Variants in BTBD9 observed in about 807,000 individuals in gnomAD.
BTBD9 encodes BTB domain containing 9, also known as BTB/POZ domain-containing protein 9.
In BTBD9, 49 loss-of-function variants were observed where a neutral mutation model predicts 64.3. The observed-to-expected ratio is 0.76, with a 90% CI of 0.61 to 0.97. The LOEUF (loss-of-function observed/expected upper bound fraction) is 0.97, where lower values mean the gene tolerates loss of function less well. Ranked by LOEUF, BTBD9 falls within the 50% of genes least tolerant of loss-of-function variation. The pLI is 0.00. For missense variants in BTBD9, 598 were observed against 762.1 expected, an observed-to-expected ratio of 0.78 and a Z score of 2.53; for synonymous variants, 260 against 274.7, an observed-to-expected ratio of 0.95 and a Z score of 0.53.
intron 9 of BTBD9, among the ~76,000 whole-genome samples, chr6:38,244,732 G>A (rs747374846): frequency 2.6e-5 from 4 of 152,138 alleles, no homozygotes; most frequent in Non-Finnish European, 5.9e-5. Context: ...AGTCACTAAC[G>A]TGAGGGGCAA....
chr6:38,593,513 A>G (rs1776902105), intron 3 of BTBD9, among the ~76,000 whole-genome samples: 1 of 152,212 alleles, frequency 6.6e-6, no homozygotes, highest in Non-Finnish European at 1.5e-5. Context: ...TACTCTAGCT[A>G]TAATACTGAA....
chr6:38,393,422 T>C (rs577702084), intron 6 of BTBD9, among the ~76,000 whole-genome samples: 40 of 152,050 alleles, frequency 2.6e-4, no homozygotes, highest in South Asian at 8.3e-4. Flanking sequence ...GAAACCACAA[T>C]AGTAGGTCAA....
chr6:38,447,427 C>T (rs1769324720), intron 6 of BTBD9, among the ~76,000 whole-genome samples: 1 of 152,216 alleles, frequency 6.6e-6, no homozygotes, highest in African/African-American at 2.4e-5. Context: ...GAACCTTAAA[C>T]ATTAGTAATA....
In BTBD9 at chr6:38,592,850, AT is replaced by A; in HGVS notation, c.550-11del. The A allele has an allele frequency of 6.2e-7, 1 of 1,612,462 alleles. No homozygotes were observed. Among genetic ancestry groups the A allele is most frequent in the South Asian group, 1.1e-5 (1 of 90,904 alleles). ...TGTTTAAAAGTGCTGTCTGAAAAGG[AT>A]AAAAAGGTAAAATTCCAGTTATATG... is the stretch of plus-strand genomic sequence containing the variant. On this transcript the variant is annotated splice_polypyrimidine_tract_variant and intron_variant, in intron 3 of 10. Coordinates refer to ENST00000481247, the MANE Select transcript of BTBD9 (RefSeq NM_001099272.2).
chr6:38,327,259 A>G (rs1296077812), intron 7 of BTBD9, among the ~76,000 whole-genome samples: 1 of 152,196 alleles, frequency 6.6e-6, no homozygotes, highest in Non-Finnish European at 1.5e-5. Context: ...AAATTTAAAG[A>G]GATTGCTGTG....
intron 9 of BTBD9, among the ~76,000 whole-genome samples, chr6:38,250,388 G>A (rs1404463743): frequency 1.3e-5 from 2 of 152,180 alleles, no homozygotes; most frequent in Non-Finnish European, 2.9e-5. Flanking sequence ...TATTTAACAT[G>A]TGGAATAATT....
At chr6:38,585,619 T>C (rs76405250) in intron 4 of BTBD9, among the ~76,000 whole-genome samples, 17,046 of 152,146 alleles carry the variant, frequency 0.11, 1,170 homozygotes, top group Non-Finnish European at 0.15. Flanking sequence ...TCAAAGAGCT[T>C]TGAAAGTATT....
intron 7 of BTBD9, among the ~76,000 whole-genome samples, chr6:38,306,165 C>T (rs934317926): frequency 2.6e-5 from 4 of 152,188 alleles, no homozygotes; most frequent in South Asian, 2.1e-4. Context: ...CTTTCATATG[C>T]GTCTGATAAA....
At chr6:38,336,014 G>T (rs1342533150) in intron 7 of BTBD9, among the ~76,000 whole-genome samples, 1 of 152,148 alleles carries the variant, frequency 6.6e-6, no homozygotes, top group Non-Finnish European at 1.5e-5. Flanking sequence ...GTGATTACAG[G>T]TGTGAGCTAC....
chr6:38,245,039 G>A (rs59355870), intron 9 of BTBD9, among the ~76,000 whole-genome samples: 1,839 of 152,238 alleles, frequency 0.012, 35 homozygotes, highest in African/African-American at 0.04. Context: ...AAACCAACAT[G>A]CATACGTGAC....
chr6:38,382,303 G>C (rs1239809880), intron 6 of BTBD9, among the ~76,000 whole-genome samples: 1 of 152,122 alleles, frequency 6.6e-6, no homozygotes, highest in Non-Finnish European at 1.5e-5. Flanking sequence ...TGTGGATTTT[G>C]ACCTACCTGG....
At chr6:38,323,566 T>A (rs906720888) in intron 7 of BTBD9, among the ~76,000 whole-genome samples, 1 of 152,178 alleles carries the variant, frequency 6.6e-6, no homozygotes, top group Non-Finnish European at 1.5e-5. Context: ...AAAAATTTAG[T>A]AAAACAAATA....
intron 7 of BTBD9, among the ~76,000 whole-genome samples, chr6:38,299,770 T>C (rs139220823): frequency 0.17 from 25,911 of 152,204 alleles, 2,362 homozygotes; most frequent in Admixed American, 0.2. Flanking sequence ...CTTTGTCAGA[T>C]GAGTAGGTTG....
chr6:38,461,283 A>G (rs1375297583), intron 6 of BTBD9, among the ~76,000 whole-genome samples: 1 of 152,112 alleles, frequency 6.6e-6, no homozygotes, highest in African/African-American at 2.4e-5. Flanking sequence ...CATCACCCCA[A>G]AAGTTTCCTT....
rs1764587844 is a variant in BTBD9, at chr6:38,256,594, C to A, written c.1455-78G>T. ...CTTTAGGTTGTGGGCATATCCCTCC[C>A]ACCCACCTCCTTTGTTCAGCACATT... is the stretch of plus-strand genomic sequence containing the variant. On this transcript the variant is annotated intron_variant, in intron 8 of 10. Coordinates refer to ENST00000481247, the MANE Select transcript of BTBD9 (RefSeq NM_001099272.2). 5 of 950,170 alleles carry A rather than the reference C, an allele frequency of 5.3e-6. No homozygotes were observed. In the Admixed American group the frequency reaches 8.0e-5, roughly 15 times the overall value. 58.9% of individuals were successfully genotyped at this position (950,170 alleles called of 1,614,324 possible).
At chr6:38,342,810 G>A (rs538802547) in intron 7 of BTBD9, among the ~76,000 whole-genome samples, 47 of 152,322 alleles carry the variant, frequency 3.1e-4, no homozygotes, top group African/African-American at 1.1e-3. Context: ...CTGCTAAAAT[G>A]CACCTGAGAT....
intron 6 of BTBD9, among the ~76,000 whole-genome samples, chr6:38,421,939 A>AT (rs1272211999): frequency 3.3e-5 from 5 of 152,250 alleles, no homozygotes; most frequent in Non-Finnish European, 7.3e-5. Context: ...CTTGGATTCC[A>AT]TTAAGTTCAC....
In BTBD9 at chr6:38,346,445, C is replaced by T. The variant is rs763237344; in HGVS notation, c.1155-1352G>A. Among the ~76,000 whole-genome samples the T allele has an allele frequency of 2.6e-5, 4 of 152,060 alleles. 1 individual carries two copies. Among genetic ancestry groups the T allele is most frequent in the Non-Finnish European group, 2.9e-5 (2 of 68,032 alleles). ...TTTATAACCAATATTAATGCTATGT[C>T]CTGAACTGACTGTCCAGTGTGCTCA... On this transcript the variant is annotated intron_variant, in intron 6 of 10. Transcript: ENST00000481247.
intron 6 of BTBD9, among the ~76,000 whole-genome samples, chr6:38,382,759 A>G (rs934403191): frequency 6.6e-6 from 1 of 152,254 alleles, no homozygotes; most frequent in Admixed American, 6.5e-5. Context: ...GATTAAAAAG[A>G]TAAGAAATTA....
Sources: allele counts gnomAD v4.1 joint callset (sites outside exome capture counted in the v4.1 genomes callset), GRCh38; gene constraint gnomAD v4.1.1; transcripts MANE v1.5; gene names NCBI Gene and HGNC (gene_info 2026-07-23, HGNC 2026-07-21).